The following DSCAM variants were observed in gnomAD, a reference collection of about 807,000 sequenced individuals.
DSCAM encodes cell adhesion molecule DSCAM.
In DSCAM, 47 loss-of-function variants were observed where a neutral mutation model predicts 217.7. That is an observed-to-expected ratio of 0.22 (90% CI 0.17 to 0.28). DSCAM has a LOEUF of 0.28. Ranked by LOEUF, DSCAM falls within the 10% of genes least tolerant of loss-of-function variation. DSCAM has a pLI of 1.00. For missense variants in DSCAM, 2,080 were observed against 2,618.3 expected, an observed-to-expected ratio of 0.79 and a Z score of 4.49; for synonymous variants, 1,056 against 1,015.3, an observed-to-expected ratio of 1.04 and a Z score of -0.76.
At chr21:40,354,531 C>A (rs1012082043) in intron 4 of DSCAM, among the ~76,000 whole-genome samples, 1 of 151,936 alleles carries the variant, frequency 6.6e-6, no homozygotes, top group Non-Finnish European at 1.5e-5. Context: ...CCACACCCAG[C>A]CTAAATAAAT....
intron 4 of DSCAM, among the ~76,000 whole-genome samples, chr21:40,355,550 T>C (rs944883658): frequency 3.3e-5 from 5 of 152,226 alleles, no homozygotes; most frequent in African/African-American, 7.2e-5. Flanking sequence ...CAGCACCTGA[T>C]TGGATGCTAA....
At chr21:40,414,846 T>C (rs1423967225) in intron 3 of DSCAM, among the ~76,000 whole-genome samples, 1 of 152,180 alleles carries the variant, frequency 6.6e-6, no homozygotes, top group South Asian at 2.1e-4. Context: ...AAAAAGATAA[T>C]TTATCAAGAC....
chr21:40,291,154 C>T (rs1450719307), intron 10 of DSCAM, among the ~76,000 whole-genome samples: 1 of 152,168 alleles, frequency 6.6e-6, no homozygotes, highest in Non-Finnish European at 1.5e-5. Flanking sequence ...ATAGTATGTC[C>T]ATCACTCAAA....
intron 3 of DSCAM, among the ~76,000 whole-genome samples, chr21:40,447,213 C>T (rs77824931): frequency 0.013 from 1,961 of 152,296 alleles, 24 homozygotes; most frequent in Middle Eastern, 0.031. Flanking sequence ...CGACTCCTTA[C>T]AGTCTCATAC....
At chr21:40,040,304 G>C (rs2088721803) in intron 32 of DSCAM, among the ~76,000 whole-genome samples, 1 of 152,090 alleles carries the variant, frequency 6.6e-6, no homozygotes. Flanking sequence ...TGCTCTAATG[G>C]GTCCAGGTCA....
chr21:40,751,181 A>C (rs2091224197), intron 1 of DSCAM, among the ~76,000 whole-genome samples: 2 of 152,054 alleles, frequency 1.3e-5, no homozygotes, highest in South Asian at 4.2e-4. Flanking sequence ...GGACTCTATC[A>C]CTTCGTTTAG....
intron 3 of DSCAM, among the ~76,000 whole-genome samples, chr21:40,561,181 C>T (rs2076717737): frequency 6.6e-6 from 1 of 152,162 alleles, no homozygotes; most frequent in Non-Finnish European, 1.5e-5. Flanking sequence ...TTCATTTCCA[C>T]ACCTATCTAA....
intron 3 of DSCAM, among the ~76,000 whole-genome samples, chr21:40,554,196 GTTT>G (rs113016250): frequency 8.3e-5 from 11 of 132,592 alleles, no homozygotes; most frequent in South Asian, 2.5e-4. Flanking sequence ...TTGATTGTTA[GTTT>G]TTTTTTTTTT....
At chr21:40,094,597 A>G (rs911347027) in intron 20 of DSCAM, among the ~76,000 whole-genome samples, 1 of 152,178 alleles carries the variant, frequency 6.6e-6, no homozygotes, top group African/African-American at 2.4e-5. Context: ...CACGGTGCCT[A>G]ATGCTCACAC....
At chr21:40,241,374 A>G (rs2073150433) in intron 11 of DSCAM, among the ~76,000 whole-genome samples, 1 of 152,232 alleles carries the variant, frequency 6.6e-6, no homozygotes, top group South Asian at 2.1e-4. Flanking sequence ...GTAGCCAACA[A>G]ATATATGAAA....
chr21:40,244,765 T>C (rs1260045031), intron 11 of DSCAM, among the ~76,000 whole-genome samples: 1 of 152,150 alleles, frequency 6.6e-6, no homozygotes, highest in African/African-American at 2.4e-5. Flanking sequence ...AGTAATCTGA[T>C]GTGCAGTTTG....
intron 24 of DSCAM, among the ~76,000 whole-genome samples, chr21:40,082,236 A>G (rs1427500861): frequency 6.6e-6 from 1 of 152,164 alleles, no homozygotes; most frequent in Non-Finnish European, 1.5e-5. Flanking sequence ...CAAGGCGGGT[A>G]GATCACTAAG....
chr21:40,668,944 T>C (rs1218276577), intron 3 of DSCAM, among the ~76,000 whole-genome samples: 1 of 152,098 alleles, frequency 6.6e-6, no homozygotes, highest in Non-Finnish European at 1.5e-5. Flanking sequence ...ATGAAAAGAT[T>C]GTATTGAGTT....
intron 4 of DSCAM, among the ~76,000 whole-genome samples, chr21:40,361,027 TGTG>T (rs1169470833): frequency 6.6e-6 from 1 of 152,170 alleles, no homozygotes; most frequent in Non-Finnish European, 1.5e-5. Context: ...GACAGGCTCT[TGTG>T]GGGATATTTG....
In DSCAM at chr21:40,439,881, ACCTCCCACCAGGTC is replaced by A. The variant is rs201323111; in HGVS notation, c.509-70650_509-70637del. ...AAAGACCTGCCCCCATAATTAAATT[ACCTCCCACCAGGTC>A]CCTCCCACAACACATGGGAATTCAA... On this transcript the variant is annotated intron_variant, in intron 3 of 32. Coordinates refer to ENST00000400454, the MANE Select transcript of DSCAM (RefSeq NM_001389.5). Among the ~76,000 whole-genome samples the A allele has an allele frequency of 2.8e-4, 43 of 152,078 alleles. 1 individual carries two copies. In the East Asian group the frequency reaches 8.2e-3, roughly 29 times the overall value.
At chr21:40,659,353 GTATCTATCTATCTATCTATC>G (rs55878811) in intron 3 of DSCAM, among the ~76,000 whole-genome samples, 2,367 of 148,480 alleles carry the variant, frequency 0.016, 57 homozygotes, top group African/African-American at 0.057. Flanking sequence ...GATCAGATGA[GTATCTATCTATCTATCTATC>G]TATCTATCTA....
At position 40,353,556 on chromosome 21, in the gene DSCAM, C is replaced by T. The variant is rs1233047604; in HGVS notation, c.843G>A (p.Glu281=). Residue 281 remains glutamate (E), a synonymous_variant, in exon 5 of 33, where the codon GAG becomes GAA. Transcript: ENST00000400454. The part of the protein sequence containing the change: ...FQKTVTGLLI[E]NIRPSDSGSY... Reference sequence around the variant, plus strand: ...TGCCTGAGTCCGAGGGGCGAATGTTCTCAATGAGCAGCCCCGTCACGGTCT... The same window carrying T: ...TGCCTGAGTCCGAGGGGCGAATGTTTTCAATGAGCAGCCCCGTCACGGTCT... 3 of 1,611,212 alleles carry T rather than the reference C, an allele frequency of 1.9e-6. No homozygotes were observed. The highest frequency in any genetic ancestry group is 2.5e-6 in the Non-Finnish European group (3 of 1,179,224).
intron 6 of DSCAM, among the ~76,000 whole-genome samples, chr21:40,345,848 G>C (rs2074552233): frequency 6.6e-6 from 1 of 152,170 alleles, no homozygotes; most frequent in South Asian, 2.1e-4. Flanking sequence ...GAAGCTTCTT[G>C]TCCTGAATGG....
chr21:40,318,778 C>T (rs1206594775), intron 8 of DSCAM, among the ~76,000 whole-genome samples: 1 of 152,188 alleles, frequency 6.6e-6, no homozygotes, highest in Non-Finnish European at 1.5e-5. Flanking sequence ...AAACCAGAGG[C>T]TGCGTGGGTC....
Sources: allele counts gnomAD v4.1 joint callset (sites outside exome capture counted in the v4.1 genomes callset), GRCh38; gene constraint gnomAD v4.1.1; transcripts MANE v1.5; gene names NCBI Gene and HGNC (gene_info 2026-07-23, HGNC 2026-07-21).